Variants in VPS53 observed in about 807,000 individuals in gnomAD.
VPS53 encodes vacuolar protein sorting-associated protein 53 homolog.
In VPS53, 70 loss-of-function variants were observed where a neutral mutation model predicts 107.0. The ratio of observed to expected loss-of-function variants is 0.65; its 90% confidence interval spans 0.54 to 0.80. VPS53 has a LOEUF of 0.80. Ranked by LOEUF, VPS53 falls within the 30% of genes least tolerant of loss-of-function variation. The pLI, the probability that VPS53 is intolerant of heterozygous loss-of-function variation, is 0.00. For synonymous variants in VPS53, 409 were observed against 393.3 expected (o/e 1.04, Z -0.47); for missense variants, 917 against 1,049.4 (o/e 0.87, Z 1.74).
chr17:664,111 C>T (rs921740779), intron 4 of VPS53, among the ~76,000 whole-genome samples: 1 of 151,994 alleles, frequency 6.6e-6, no homozygotes, highest in African/African-American at 2.4e-5. Context: ...TGGAGTCTCA[C>T]TCTGTTGCCC....
rs11361535 is a variant in VPS53, at chr17:515,956, CTTTTTTTT to C, written c.*3164_*3171del. On this transcript the variant is annotated 3_prime_UTR_variant, in exon 22 of 22. Transcript: ENST00000437048. ...ATTACAGGCACCCGCCACCTGCCTG[CTTTTTTTT>C]TTTTTTTTTTTGTATTTTTAGTAGA... 9.1e-6 allele frequency: 1 copy of C among 109,628 alleles called. No individual in the cohort carries two copies. The highest frequency in any genetic ancestry group is 4.2e-5 in the African/African-American group (1 of 24,092). The allele number at this position is 109,628 out of a possible 1,614,324, so 6.8% of individuals were successfully genotyped here. A position where few individuals can be genotyped will look rare whatever the true frequency, so the allele number is the denominator to read the frequency against.
intron 7 of VPS53, among the ~76,000 whole-genome samples, chr17:643,182 G>T (rs768614925): frequency 5.3e-4 from 20 of 37,598 alleles, no homozygotes; most frequent in East Asian, 2.3e-3. Context: ...TACTTGGAAA[G>T]CGAGGACAAC....
intron 4 of VPS53, among the ~76,000 whole-genome samples, chr17:663,269 A>G (rs1194649876): frequency 6.6e-6 from 1 of 152,218 alleles, no homozygotes. Flanking sequence ...ACAAGGACAG[A>G]TGCTACACAA....
intron 8 of VPS53, 38 bp downstream of exon 8, chr17:631,512 T>C (rs769125498): frequency 5.0e-6 from 8 of 1,600,806 alleles, no homozygotes; most frequent in African/African-American, 4.0e-5. Flanking sequence ...GCAAGGATGG[T>C]GATCATCTCT....
chr17:665,489 A>C (rs1971642755), intron 4 of VPS53, among the ~76,000 whole-genome samples: 1 of 152,216 alleles, frequency 6.6e-6, no homozygotes. Flanking sequence ...GGTATCAAGA[A>C]GTGGGCTACT....
In VPS53 at chr17:532,931, G is replaced by T; in HGVS notation, c.2016-20C>A. ...AAGGAGCTGTGGATAAAAAAGAAGT[G>T]ACAAATTAGGCTTATTCTCTCTTGA... On this transcript the variant is annotated intron_variant, in intron 18 of 21. Coordinates refer to ENST00000437048, the MANE Select transcript of VPS53 (RefSeq NM_001128159.3). 1 of 1,610,984 alleles carries T rather than the reference G, an allele frequency of 6.2e-7. No individual in the cohort carries two copies. The highest frequency in any genetic ancestry group is 1.1e-5 in the South Asian group (1 of 90,486).
intron 11 of VPS53, among the ~76,000 whole-genome samples, chr17:604,693 C>T (rs1041307620): frequency 9.9e-5 from 15 of 152,188 alleles, no homozygotes; most frequent in Non-Finnish European, 1.8e-4. Flanking sequence ...ATCCATCTGT[C>T]TCAGCCTCCC....
At chr17:637,182 T>C (rs1231351512) in intron 7 of VPS53, among the ~76,000 whole-genome samples, 1 of 152,258 alleles carries the variant, frequency 6.6e-6, no homozygotes, top group Non-Finnish European at 1.5e-5. Flanking sequence ...CCATTTCTTC[T>C]AGATTTTGTA....
At chr17:599,132 G>T (rs1968185106) in intron 12 of VPS53, among the ~76,000 whole-genome samples, 1 of 145,640 alleles carries the variant, frequency 6.9e-6, no homozygotes, top group African/African-American at 2.5e-5. Context: ...GGAGGTGGGG[G>T]GGTCAGCCCC....
At position 509,781 on chromosome 17, in the gene VPS53, A is replaced by G. The variant is rs1182908425; in HGVS notation, c.*9347T>C. 21 of 167,744 alleles carry G rather than the reference A, an allele frequency of 1.3e-4. No individual in the cohort carries two copies. Among genetic ancestry groups the G allele is most frequent in the African/African-American group, 2.6e-4 (10 of 38,460 alleles). The allele number at this position is 167,744 out of a possible 1,614,324, so 10.4% of individuals were successfully genotyped here. A position where few individuals can be genotyped will look rare whatever the true frequency, so the allele number is the denominator to read the frequency against. ...CCTGGCTCACCCCCTTACTAGTCAC[A>G]TATCAAATCCTGGCTCGCCCCTCAC... On this transcript the variant is annotated 3_prime_UTR_variant, in exon 22 of 22. Transcript: ENST00000437048.
rs201579151 is a variant in VPS53 at position 624,017 on chromosome 17, C to CT, written c.975-344dup. ...CTCCACCTCCTGGGTTCAAATGATT[C>CT]TTTTTTTTTTTTGTATTTTTAGTAG... is the stretch of plus-strand genomic sequence containing the variant. On this transcript the variant is annotated intron_variant, in intron 10 of 21. Transcript: ENST00000437048. 4.0e-3 allele frequency among the ~76,000 whole-genome samples: 570 copies of CT among 144,118 alleles called. 9 individuals are homozygous for CT. The East Asian group carries it at 0.056, about 14-fold the overall frequency. 94.5% of individuals were successfully genotyped at this position (144,118 alleles called of 152,430 possible). A position where few individuals can be genotyped will look rare whatever the true frequency, so the allele number is the denominator to read the frequency against.
chr17:571,888 C>T (rs1334708816), intron 13 of VPS53, among the ~76,000 whole-genome samples: 11 of 152,212 alleles, frequency 7.2e-5, no homozygotes, highest in African/African-American at 2.6e-4. Context: ...GATCTCGGCT[C>T]GCTACAACCT....
chr17:712,494 C>T (rs920154320), intron 1 of VPS53, among the ~76,000 whole-genome samples: 3 of 151,954 alleles, frequency 2.0e-5, no homozygotes, highest in Non-Finnish European at 2.9e-5. Context: ...TCACCTTATG[C>T]AATGACTCTG....
chr17:599,664 T>A (rs1402108159), intron 12 of VPS53, among the ~76,000 whole-genome samples: 2 of 150,062 alleles, frequency 1.3e-5, no homozygotes, highest in African/African-American at 2.4e-5. Flanking sequence ...CTTTGTTCAC[T>A]TGTTTATCTG....
At chr17:581,038 T>C (rs1452010640) in intron 13 of VPS53, among the ~76,000 whole-genome samples, 1 of 151,456 alleles carries the variant, frequency 6.6e-6, no homozygotes, top group Non-Finnish European at 1.5e-5. Flanking sequence ...ACCTAATGCG[T>C]TCCCACAGGA....
At chr17:549,856 G>C (rs1911663119) in intron 17 of VPS53, among the ~76,000 whole-genome samples, 1 of 152,210 alleles carries the variant, frequency 6.6e-6, no homozygotes, top group Non-Finnish European at 1.5e-5. Flanking sequence ...CTGCTGAAAA[G>C]ATCAGCTTTT....
At chr17:607,622 G>A (rs1055357032) in intron 11 of VPS53, among the ~76,000 whole-genome samples, 1 of 152,166 alleles carries the variant, frequency 6.6e-6, no homozygotes. Context: ...TAGATTGTCA[G>A]TAACTCAAAG....
At position 599,775 on chromosome 17, in the gene VPS53, ACAAAAAC is replaced by A. The variant is rs386794241; in HGVS notation, c.1218+2013_1218+2019del. 1.8e-4 allele frequency among the ~76,000 whole-genome samples: 23 copies of A among 126,084 alleles called. No homozygotes were observed. In the East Asian group the frequency reaches 3.9e-3, roughly 21 times the overall value. 82.7% of individuals were successfully genotyped at this position (126,084 alleles called of 152,430 possible). A position where few individuals can be genotyped will look rare whatever the true frequency, so the allele number is the denominator to read the frequency against. On this transcript the variant is annotated intron_variant, in intron 12 of 21. Coordinates refer to ENST00000437048, the MANE Select transcript of VPS53 (RefSeq NM_001128159.3). ...AAAAATAAATAAATTAAAAAAAAAA[ACAAAAAC>A]AAAATGACTTGCGATAAAACTGCTC...
intron 12 of VPS53, among the ~76,000 whole-genome samples, chr17:596,409 C>G (rs570820815): frequency 1.8e-3 from 272 of 152,260 alleles, no homozygotes; most frequent in Non-Finnish European, 2.6e-4. Flanking sequence ...AGGTCCTGCC[C>G]TTGATGAGGC....
Sources: gnomAD v4.1 joint callset for allele counts (sites outside exome capture counted in the v4.1 genomes callset) on GRCh38, gnomAD v4.1.1 for gene constraint, MANE v1.5 for transcripts, NCBI Gene and HGNC (gene_info 2026-07-23, HGNC 2026-07-21) for gene names.